DYNC2H1: variants seen among roughly 807,000 people sequenced by gnomAD.
The protein encoded by DYNC2H1 is cytoplasmic dynein 2 heavy chain 1.
DYNC2H1 carries 410 observed loss-of-function variants against 570.0 expected under a neutral mutation model. The ratio of observed to expected loss-of-function variants is 0.72; its 90% CI spans 0.66 to 0.78. The LOEUF is 0.78. DYNC2H1 is among the 30% of genes least tolerant of loss of function. The pLI is 0.00. For synonymous variants in DYNC2H1, 1,688 were observed against 1,677.6 expected (o/e 1.01, Z -0.15); for missense variants, 4,865 against 5,046.4 (o/e 0.96, Z 1.09).
At position 103,448,788 on chromosome 11, in the gene DYNC2H1, T is replaced by C. The variant is rs188745892; in HGVS notation, c.12457-6398T>C. Among the ~76,000 whole-genome samples the C allele has an allele frequency of 5.3e-5, 8 of 152,250 alleles. No homozygotes were observed. In the East Asian group the frequency reaches 1.5e-3, roughly 29 times the overall value. ...AAACATGAACATGGGGACATGAAAA[T>C]TTAAGTTTCTTAGAAGTTTTACTTT... On this transcript the variant is annotated intron_variant, in intron 85 of 88. Transcript: ENST00000375735.
At chr11:103,225,596 G>A (rs1479149509) in intron 59 of DYNC2H1, among the ~76,000 whole-genome samples, 3 of 152,054 alleles carry the variant, frequency 2.0e-5, no homozygotes, top group Admixed American at 1.3e-4. Context: ...TTTCTCTTCT[G>A]TTCCATTGGT....
chr11:103,386,854 T>C (rs934984513), intron 83 of DYNC2H1, among the ~76,000 whole-genome samples: 1 of 152,178 alleles, frequency 6.6e-6, no homozygotes, highest in African/African-American at 2.4e-5. Flanking sequence ...GGCTGCATAG[T>C]ATTCCATGGT....
At chr11:103,466,012 A>G (rs1230474557) in intron 87 of DYNC2H1, among the ~76,000 whole-genome samples, 2 of 152,130 alleles carry the variant, frequency 1.3e-5, no homozygotes, top group Non-Finnish European at 2.9e-5. Flanking sequence ...CATATTTTTC[A>G]CTGTGTCACA....
chr11:103,367,671 T>C lies in DYNC2H1; in HGVS notation c.12156+9312T>C, dbSNP rs145350433. Reference sequence around the variant, plus strand: ...CTATAGCTGTAGGGTACTGTAGCTATAGTCACCCTGCTGGGCAATAGAACA... The same window carrying C: ...CTATAGCTGTAGGGTACTGTAGCTACAGTCACCCTGCTGGGCAATAGAACA... On this transcript the variant is annotated intron_variant, in intron 83 of 88. Transcript: ENST00000375735. Among the ~76,000 whole-genome samples, 242 of 152,280 alleles carry C rather than the reference T, an allele frequency of 1.6e-3. 2 individuals carry two copies. Among genetic ancestry groups the C allele is most frequent in the Non-Finnish European group, 2.9e-3 (195 of 67,990 alleles).
intron 11 of DYNC2H1, among the ~76,000 whole-genome samples, chr11:103,123,946 AAG>A (rs1290957866): frequency 2.0e-5 from 3 of 152,182 alleles, no homozygotes; most frequent in African/African-American, 7.2e-5. Flanking sequence ...TAAAGGCAAA[AAG>A]AGTCACCATA....
chr11:103,233,032 A>C (rs1217491811), intron 60 of DYNC2H1, among the ~76,000 whole-genome samples: 1 of 152,008 alleles, frequency 6.6e-6, no homozygotes, highest in African/African-American at 2.4e-5. Context: ...TAAAGTGGCT[A>C]GTGGTTATTT....
intron 52 of DYNC2H1, among the ~76,000 whole-genome samples, chr11:103,207,241 TTAAA>T (rs369166144): frequency 0.049 from 1,248 of 25,408 alleles, 9 homozygotes; most frequent in Middle Eastern, 0.089. Context: ...TTTTTTTTTT[TTAAA>T]AAAAGATGGG....
intron 82 of DYNC2H1, 83 bp from the exon 83 acceptor site, chr11:103,358,160 T>A: frequency 4.3e-6 from 3 of 699,806 alleles, no homozygotes; most frequent in Non-Finnish European, 6.7e-6. Context: ...TAAAACAAAA[T>A]GTCTGTTTTT....
At chr11:103,262,276 T>C (rs1398542364) in intron 70 of DYNC2H1, among the ~76,000 whole-genome samples, 1 of 152,184 alleles carries the variant, frequency 6.6e-6, no homozygotes, top group Non-Finnish European at 1.5e-5. Flanking sequence ...GAAAACAGTC[T>C]TCAGGATATT....
At chr11:103,175,159 G>C (rs74995026) in intron 36 of DYNC2H1, among the ~76,000 whole-genome samples, 2,156 of 152,108 alleles carry the variant, frequency 0.014, 52 homozygotes, top group African/African-American at 0.048. Context: ...TTCATGAAAG[G>C]CTGAATAATC....
At chr11:103,281,287 G>T (rs1437368255) in intron 71 of DYNC2H1, among the ~76,000 whole-genome samples, 3 of 151,892 alleles carry the variant, frequency 2.0e-5, no homozygotes, top group Admixed American at 6.6e-5. Context: ...GTTTATTCCT[G>T]CTGTTAACTT....
At position 103,400,901 on chromosome 11, in the gene DYNC2H1, G is replaced by A. The variant is rs1942611207; in HGVS notation, c.12366+1029G>A. 2.0e-5 allele frequency among the ~76,000 whole-genome samples: 3 copies of A among 151,452 alleles called. No homozygotes were observed. The South Asian group carries it at 6.2e-4, about 32-fold the overall frequency. On this transcript the variant is annotated intron_variant, in intron 84 of 88. Transcript: ENST00000375735. ...ATCTGTTTTGCATTGTTTTTTCTTT[G>A]TACATACATTGCCGTCTCTGTTAAT...
chr11:103,128,710 T>G (rs1222378155), intron 12 of DYNC2H1, among the ~76,000 whole-genome samples, 200 bp from the exon 13 acceptor site: 1 of 152,220 alleles, frequency 6.6e-6, no homozygotes, highest in East Asian at 1.9e-4. Flanking sequence ...AGGACATGAC[T>G]TGGCAAATTG....
chr11:103,261,234 A>G lies in DYNC2H1; in HGVS notation c.10695+1257A>G, dbSNP rs1865268059. Among the ~76,000 whole-genome samples the G allele has an allele frequency of 6.6e-6, 1 of 152,066 alleles. No individual in the cohort carries two copies. Among genetic ancestry groups the G allele is most frequent in the Non-Finnish European group, 1.5e-5 (1 of 67,984 alleles). ...GATAAAACTCCCATCTCCCTGAGAC[A>G]GAGCAGCTGGGGGGAAGGGGTGGCT... On this transcript the variant is annotated intron_variant, in intron 70 of 88. Transcript: ENST00000375735. This position sits in a 1 kb window ranked among gnomAD's most constrained non-coding sequence, Gnocchi z 4.8.
At chr11:103,335,659 T>C (rs1413433475) in intron 82 of DYNC2H1, among the ~76,000 whole-genome samples, 1 of 152,130 alleles carries the variant, frequency 6.6e-6, no homozygotes, top group East Asian at 1.9e-4. Context: ...TCCAGATAGC[T>C]TCACTTAAAT....
chr11:103,312,153 G>A (rs1218021103), intron 79 of DYNC2H1, 120 bp downstream of exon 79: 1 of 1,036,002 alleles, frequency 9.7e-7, no homozygotes. Context: ...GGCCAAGGTG[G>A]GCGGATCACC....
chr11:103,250,819 A>C (rs1446836715), intron 65 of DYNC2H1, among the ~76,000 whole-genome samples: 3 of 150,704 alleles, frequency 2.0e-5, no homozygotes, highest in African/African-American at 7.3e-5. Flanking sequence ...TTGTTGTTTA[A>C]TTTTCAGGTG....
At chr11:103,448,132 A>G (rs1358916553) in intron 85 of DYNC2H1, among the ~76,000 whole-genome samples, 5 of 152,152 alleles carry the variant, frequency 3.3e-5, no homozygotes, top group African/African-American at 9.6e-5. Flanking sequence ...AAGGGGGAAG[A>G]AAATAATAAC....
rs750816052 is a variant in DYNC2H1, at chr11:103,479,256, T to C, written c.*3T>C. ...CTCTATTCCTAAAAAATCAGTAGAA[T>C]CTAATGACAACAAAAGCCATCTTCA... On this transcript the variant is annotated 3_prime_UTR_variant, in exon 89 of 89. Coordinates refer to ENST00000375735, the MANE Select transcript of DYNC2H1 (RefSeq NM_001377.3). The C allele has an allele frequency of 6.2e-7, 1 of 1,607,032 alleles. No individual in the cohort carries two copies. Among genetic ancestry groups the C allele is most frequent in the Admixed American group, 1.7e-5 (1 of 59,248 alleles).
Sources: gnomAD v4.1 joint callset for allele counts (sites outside exome capture counted in the v4.1 genomes callset) on GRCh38, gnomAD v4.1.1 for gene constraint, Gnocchi (gnomAD v3.1) non-coding constraint, MANE v1.5 for transcripts, NCBI Gene and HGNC (gene_info 2026-07-23, HGNC 2026-07-21) for gene names.